Variants in PDGFD observed in about 807,000 individuals in gnomAD.
PDGFD encodes platelet derived growth factor D.
Under a neutral mutation model 44.7 loss-of-function variants are expected in PDGFD, and 30 were observed. The observed-to-expected ratio is 0.67, with a 90% CI of 0.50 to 0.91. The LOEUF (loss-of-function observed/expected upper bound fraction) is 0.91. Ranked by LOEUF, PDGFD falls within the 40% of genes least tolerant of loss-of-function variation. The probability of loss-of-function intolerance (pLI) is 0.00; values close to 1 mark genes in which losing one functional copy is unlikely to be tolerated. For synonymous variants in PDGFD, 173 were observed against 168.4 expected, an observed-to-expected ratio of 1.03 and a Z score of -0.21; for missense variants, 445 against 457.8, an observed-to-expected ratio of 0.97 and a Z score of 0.25.
In PDGFD at chr11:104,045,926, A is replaced by G. The variant is rs1860434909; in HGVS notation, c.125-45671T>C. Among the ~76,000 whole-genome samples the G allele has an allele frequency of 2.7e-5, 4 of 146,844 alleles. 2 individuals carry two copies. The highest frequency in any genetic ancestry group is 4.7e-4 in the South Asian group (2 of 4,300). On this transcript the variant is annotated intron_variant, in intron 1 of 6. Coordinates refer to ENST00000393158, the MANE Select transcript of PDGFD (RefSeq NM_025208.5). ...TGACTGGTTGAGGAGGGGAAGAAACATGGAGGGCTAGTGATTCTATGATAG... is the reference window on the plus strand; with the variant it reads ...TGACTGGTTGAGGAGGGGAAGAAACGTGGAGGGCTAGTGATTCTATGATAG...
intron 3 of PDGFD, among the ~76,000 whole-genome samples, chr11:103,956,488 T>A (rs1858852302): frequency 8.6e-6 from 1 of 116,410 alleles, no homozygotes; most frequent in South Asian, 2.7e-4. Flanking sequence ...TGGTTCCAAG[T>A]CTTTGCTATT....
chr11:104,084,742 ATATAT>A (rs1423689758), intron 1 of PDGFD, among the ~76,000 whole-genome samples: 3 of 145,522 alleles, frequency 2.1e-5, no homozygotes, highest in Admixed American at 7.0e-5. Context: ...GATATATGTA[ATATAT>A]TATAGTTTAT....
rs75956994 is a variant in PDGFD at position 103,949,647 on chromosome 11, G to A, written c.511-1923C>T. On this transcript the variant is annotated intron_variant, in intron 3 of 6. Transcript: ENST00000393158. ...TAATCACCTGCTATTAATACTTTCT[G>A]AGCTGTGGGTAGGATCATGAGGAAA... Among the ~76,000 whole-genome samples, 422 of 152,294 alleles carry A rather than the reference G, an allele frequency of 2.8e-3. 2 individuals carry two copies. Among genetic ancestry groups the A allele is most frequent in the African/African-American group, 9.7e-3 (405 of 41,560 alleles).
intron 1 of PDGFD, among the ~76,000 whole-genome samples, chr11:104,111,725 T>G (rs1310969449): frequency 6.6e-6 from 1 of 152,174 alleles, no homozygotes; most frequent in Non-Finnish European, 1.5e-5. Context: ...TCTTCCATAC[T>G]TTAGATAAAT....
intron 3 of PDGFD, among the ~76,000 whole-genome samples, chr11:103,974,870 C>T (rs905558249): frequency 6.6e-6 from 1 of 152,116 alleles, no homozygotes; most frequent in African/African-American, 2.4e-5. Context: ...GTATATTTGC[C>T]ACATTATCTT....
chr11:103,944,116 G>A (rs942267247), intron 4 of PDGFD, among the ~76,000 whole-genome samples: 17 of 152,132 alleles, frequency 1.1e-4, no homozygotes, highest in Non-Finnish European at 1.3e-4. Flanking sequence ...CATTGCAGAT[G>A]ATGTGTGAGC....
At chr11:104,027,141 C>A (rs1860053039) in intron 1 of PDGFD, among the ~76,000 whole-genome samples, 1 of 152,164 alleles carries the variant, frequency 6.6e-6, no homozygotes, top group South Asian at 2.1e-4. Context: ...ATGATACAAT[C>A]ATATGCAATG....
At chr11:104,115,909 T>G (rs1305043372) in intron 1 of PDGFD, among the ~76,000 whole-genome samples, 1 of 152,032 alleles carries the variant, frequency 6.6e-6, no homozygotes, top group South Asian at 2.1e-4. Context: ...TGCTAATTTG[T>G]TTGAGTTTGT....
intron 1 of PDGFD, among the ~76,000 whole-genome samples, chr11:104,016,816 A>G (rs776164099): frequency 1.3e-5 from 2 of 152,240 alleles, no homozygotes; most frequent in Non-Finnish European, 2.9e-5. Flanking sequence ...TGTTTGGTGT[A>G]AAGGTGGGAT....
chr11:104,082,662 T>C (rs114278360), intron 1 of PDGFD, among the ~76,000 whole-genome samples: 2,027 of 152,172 alleles, frequency 0.013, 44 homozygotes, highest in African/African-American at 0.046. Context: ...GATGTGGTCT[T>C]GCTCTGTTGC....
intron 1 of PDGFD, among the ~76,000 whole-genome samples, chr11:104,156,163 C>A (rs933647621): frequency 5.3e-5 from 8 of 152,008 alleles, no homozygotes; most frequent in Non-Finnish European, 7.4e-5. Flanking sequence ...TATATATATA[C>A]AATTTTTATT....
chr11:104,093,607 C>T (rs1435941869), intron 1 of PDGFD, among the ~76,000 whole-genome samples: 1 of 151,946 alleles, frequency 6.6e-6, no homozygotes, highest in Non-Finnish European at 1.5e-5. Flanking sequence ...GCTCTTTCCT[C>T]CCTCATACTT....
chr11:104,037,002 C>G (rs780182363), intron 1 of PDGFD: 1 of 1,614,236 alleles, frequency 6.2e-7, no homozygotes, highest in South Asian at 1.1e-5. Context: ...ACCACTGTTC[C>G]CTGGGCTCCT....
chr11:104,142,732 G>A (rs12274835), intron 1 of PDGFD, among the ~76,000 whole-genome samples: 36,473 of 152,062 alleles, frequency 0.24, 4,421 homozygotes, highest in Middle Eastern at 0.34. Context: ...AGGGTTTCCA[G>A]GAAGTGATGT....
At chr11:103,999,326 T>C (rs1038603292) in intron 2 of PDGFD, among the ~76,000 whole-genome samples, 1 of 151,626 alleles carries the variant, frequency 6.6e-6, no homozygotes, top group Non-Finnish European at 1.5e-5. Flanking sequence ...AAAAAAAAAA[T>C]CTTCCTCAAG....
rs1045012229 is a variant in PDGFD, at chr11:103,979,030, C to G, written c.510+17035G>C. 5.3e-5 allele frequency among the ~76,000 whole-genome samples: 8 copies of G among 152,132 alleles called. No individual in the cohort carries two copies. In the East Asian group the frequency reaches 7.7e-4, roughly 15 times the overall value. Reference sequence around the variant, plus strand: ...CTTTATAAATGGAGCTTTGCAGATGCTTTCCCCATGAGATACTGATTCACT... The same window carrying G: ...CTTTATAAATGGAGCTTTGCAGATGGTTTCCCCATGAGATACTGATTCACT... On this transcript the variant is annotated intron_variant, in intron 3 of 6. Transcript: ENST00000393158.
intron 3 of PDGFD, among the ~76,000 whole-genome samples, chr11:103,982,134 C>T (rs556570459): frequency 1.7e-4 from 26 of 151,878 alleles, no homozygotes; most frequent in Admixed American, 3.9e-4. Flanking sequence ...GGCCCTGGAA[C>T]AAAGCAGCTA....
At chr11:104,012,558 G>T (rs1859799483) in intron 1 of PDGFD, among the ~76,000 whole-genome samples, 1 of 152,144 alleles carries the variant, frequency 6.6e-6, no homozygotes, top group East Asian at 1.9e-4. Flanking sequence ...TTGTTTTCTT[G>T]TTAAAGCTCA....
intron 1 of PDGFD, among the ~76,000 whole-genome samples, chr11:104,095,301 T>G (rs986075325): frequency 6.6e-6 from 1 of 152,130 alleles, no homozygotes; most frequent in East Asian, 1.9e-4. Context: ...TTTTCAATAC[T>G]GTATACGCAG....
Sources: allele counts gnomAD v4.1 joint callset (sites outside exome capture counted in the v4.1 genomes callset), GRCh38; gene constraint gnomAD v4.1.1; transcripts MANE v1.5; gene names NCBI Gene and HGNC (gene_info 2026-07-23, HGNC 2026-07-21).